Variants in KCNG3 observed in about 807,000 individuals in gnomAD.
The protein encoded by KCNG3 is voltage-gated potassium channel regulatory subunit KCNG3.
In KCNG3, 15 loss-of-function variants were observed where a neutral mutation model predicts 29.0. The ratio of observed to expected loss-of-function variants is 0.52; its 90% CI spans 0.35 to 0.80. The LOEUF is 0.80. Ranked by LOEUF, KCNG3 falls within the 30% of genes least tolerant of loss-of-function variation. The pLI is 0.01. For synonymous variants in KCNG3, 322 were observed against 248.9 expected (o/e 1.29, Z -2.76); for missense variants, 512 against 605.7 (o/e 0.85, Z 1.62).
chr2:42,460,944 A>T (rs988970964), intron 1 of KCNG3, among the ~76,000 whole-genome samples: 4 of 151,960 alleles, frequency 2.6e-5, no homozygotes, highest in African/African-American at 9.7e-5. Context: ...GGCAGATCAC[A>T]AGGTCAGGAG....
the KCNG3 span, among the ~76,000 whole-genome samples, chr2:42,413,990 G>C: frequency 1.2e-4 from 18 of 152,160 alleles, no homozygotes; most frequent in African/African-American, 4.3e-4. Flanking sequence ...CAGTATTTCT[G>C]AACAAAACAA....
chr2:42,449,282 A>G (rs979191832), intron 1 of KCNG3, among the ~76,000 whole-genome samples: 1 of 151,756 alleles, frequency 6.6e-6, no homozygotes. Flanking sequence ...AACAAAATCT[A>G]AAGAATTATA....
the KCNG3 span, among the ~76,000 whole-genome samples, chr2:42,402,750 C>A: frequency 6.6e-6 from 1 of 152,124 alleles, no homozygotes; most frequent in Non-Finnish European, 1.5e-5. Flanking sequence ...TGTTCTGTTC[C>A]ACTGATCTAT....
intron 1 of KCNG3, among the ~76,000 whole-genome samples, chr2:42,482,302 G>A (rs1673607666): frequency 6.6e-6 from 1 of 152,214 alleles, no homozygotes; most frequent in South Asian, 2.1e-4. Context: ...CTACAGATCG[G>A]GCATAGTGGC....
At chr2:42,480,584 G>A (rs1466039925) in intron 1 of KCNG3, among the ~76,000 whole-genome samples, 1 of 151,852 alleles carries the variant, frequency 6.6e-6, no homozygotes, top group African/African-American at 2.4e-5. Context: ...CTTTATTTAT[G>A]GACACTAAAA....
chr2:42,427,554 C>T, the KCNG3 span, among the ~76,000 whole-genome samples: 2 of 151,502 alleles, frequency 1.3e-5, no homozygotes, highest in Non-Finnish European at 2.9e-5. Context: ...TGCAGTGAGC[C>T]ATTATCTCGC....
the KCNG3 span, among the ~76,000 whole-genome samples, chr2:42,393,559 T>C: frequency 1.3e-5 from 2 of 151,896 alleles, no homozygotes; most frequent in Non-Finnish European, 2.9e-5. Flanking sequence ...AGACTCTGTC[T>C]CAAAAACAAA....
intron 1 of KCNG3, among the ~76,000 whole-genome samples, chr2:42,491,650 A>G (rs1030335766): frequency 1.3e-5 from 2 of 152,234 alleles, no homozygotes; most frequent in Non-Finnish European, 2.9e-5. Context: ...TTTCCTTTCA[A>G]AGCATGTATC....
At chr2:42,456,248 G>A (rs1390046824) in intron 1 of KCNG3, among the ~76,000 whole-genome samples, 1 of 152,110 alleles carries the variant, frequency 6.6e-6, no homozygotes, top group Non-Finnish European at 1.5e-5. Flanking sequence ...ATGGCTAGGT[G>A]CAGTGGCTCA....
At chr2:42,432,001 T>C in the KCNG3 span, among the ~76,000 whole-genome samples, 1 of 146,198 alleles carries the variant, frequency 6.8e-6, no homozygotes, top group African/African-American at 2.5e-5. Context: ...ATAATGCCAC[T>C]GCACTCCAGC....
rs1672550880 is a variant in KCNG3, at chr2:42,444,407, G to C, written c.838C>G (p.Gln280Glu). ...AAGGTGACTCCAGCCCTCTGGAGTTGAGAGTTCTCGCCTGTAAACACTGTC... is the reference window on the plus strand; with the variant it reads ...AAGGTGACTCCAGCCCTCTGGAGTTCAGAGTTCTCGCCTGTAAACACTGTC... Reference protein sequence around the residue: ...LMTVFTGENSQLQRAGVTLRV... With the variant: ...LMTVFTGENSELQRAGVTLRV... The change falls in exon 2 of 2, where the codon CAA (glutamine) becomes GAA (glutamate). Residue 280 changes from glutamine to glutamate, a missense_variant. Gln to Glu is a conservative substitution (Grantham distance 29). This residue lies in a region of KCNG3 where 173 missense variants were observed against 262.4 expected (regional missense o/e 0.66). Coordinates refer to ENST00000306078, the MANE Select transcript of KCNG3 (RefSeq NM_133329.6). The surrounding 1 kb of genome is among the most constrained non-coding windows in gnomAD (Gnocchi z 5.8). The C allele has an allele frequency of 1.2e-6, 2 of 1,614,144 alleles. No individual in the cohort carries two copies. The highest frequency in any genetic ancestry group is 1.7e-6 in the Non-Finnish European group (2 of 1,180,020).
intron 1 of KCNG3, among the ~76,000 whole-genome samples, chr2:42,486,412 A>C (rs1030523502): frequency 1.3e-5 from 2 of 152,164 alleles, no homozygotes; most frequent in East Asian, 3.9e-4. Flanking sequence ...TTCATTCTCT[A>C]CCCAGTGGTG....
intron 1 of KCNG3, among the ~76,000 whole-genome samples, chr2:42,488,680 G>A (rs1327887165): frequency 1.3e-5 from 2 of 151,762 alleles, no homozygotes; most frequent in Non-Finnish European, 2.9e-5. Flanking sequence ...CTCCTGAGTA[G>A]CTGGGATTGC....
the KCNG3 span, among the ~76,000 whole-genome samples, chr2:42,410,552 G>T: frequency 5.3e-5 from 8 of 152,224 alleles, no homozygotes; most frequent in Non-Finnish European, 7.4e-5. Flanking sequence ...AAGATGTTGA[G>T]TATATTTTCA....
Position 42,452,243 on chromosome 2 carries a change from A to ATATATATATATTTTTT in KCNG3, c.666-7665_666-7664insAAAAAATATATATATA. Among the ~76,000 whole-genome samples the ATATATATATATTTTTT allele has an allele frequency of 2.6e-3, 251 of 94,988 alleles. 2 individuals carry two copies. The highest frequency in any genetic ancestry group is 3.9e-3 in the Non-Finnish European group (185 of 46,972). The allele number at this position is 94,988 out of a possible 152,430, so 62.3% of individuals were successfully genotyped here. On this transcript the variant is annotated intron_variant, in intron 1 of 1. Transcript: ENST00000306078. ...TAAATATATATATATATATATATAT[A>ATATATATATATTTTTT]TTTTTTTTTTTTTTTTAAAGGAAAC...
chr2:42,407,903 C>A, the KCNG3 span, among the ~76,000 whole-genome samples: 3 of 152,210 alleles, frequency 2.0e-5, no homozygotes, highest in Non-Finnish European at 1.5e-5. Context: ...TGGACCAAGG[C>A]ATCCCTACAC....
At chr2:42,420,289 T>G in the KCNG3 span, among the ~76,000 whole-genome samples, 2 of 152,196 alleles carry the variant, frequency 1.3e-5, no homozygotes, top group Admixed American at 1.3e-4. Context: ...CATCTATGTT[T>G]GAATTGCAGC....
intron 1 of KCNG3, among the ~76,000 whole-genome samples, chr2:42,456,654 A>G (rs1672880452): frequency 6.6e-6 from 1 of 152,226 alleles, no homozygotes; most frequent in Non-Finnish European, 1.5e-5. Flanking sequence ...ATGCCCAACT[A>G]GAAGAGCAAT....
the KCNG3 span, among the ~76,000 whole-genome samples, chr2:42,412,360 C>T: frequency 6.6e-6 from 1 of 152,174 alleles, no homozygotes; most frequent in South Asian, 2.1e-4. Flanking sequence ...TTCTTTTGTA[C>T]TTGAAATTCT....
Sources: allele counts gnomAD v4.1 joint callset (sites outside exome capture counted in the v4.1 genomes callset), GRCh38; gene constraint gnomAD v4.1.1; regional missense constraint gnomAD v4.1.1; non-coding constraint Gnocchi (gnomAD v3.1); transcripts MANE v1.5; gene names NCBI Gene and HGNC (gene_info 2026-07-23, HGNC 2026-07-21).